The following PITPNC1 variants were observed in gnomAD, a reference collection of about 807,000 sequenced individuals.
PITPNC1 encodes the protein phosphatidylinositol transfer protein cytoplasmic 1.
In PITPNC1, 18 loss-of-function variants were observed where a neutral mutation model predicts 44.7. The ratio of observed to expected loss-of-function variants is 0.40; its 90% CI spans 0.28 to 0.60. The LOEUF (loss-of-function observed/expected upper bound fraction) is 0.60. Ranked by LOEUF, PITPNC1 falls within the 20% of genes least tolerant of loss-of-function variation. The pLI is 0.39. For synonymous variants in PITPNC1, 141 were observed against 149.6 expected (o/e 0.94, Z 0.42); for missense variants, 290 against 418.4 (o/e 0.69, Z 2.68).
Position 67,468,354 on chromosome 17 carries a change from G to C in PITPNC1, c.49-64448G>C, listed in dbSNP as rs376087367. On this transcript the variant is annotated intron_variant, in intron 1 of 8. Coordinates refer to ENST00000581322, the MANE Select transcript of PITPNC1 (RefSeq NM_012417.4). ...CAGGGACAGATTTGGGAGTCCCTTG[G>C]GGAAGCCGTGGTGAAGCCACAGGAA... 8.5e-5 allele frequency among the ~76,000 whole-genome samples: 13 copies of C among 152,094 alleles called. No homozygotes were observed. In the East Asian group the frequency reaches 2.3e-3, roughly 27 times the overall value.
At chr17:67,686,731 C>T (rs991795026) in intron 8 of PITPNC1, among the ~76,000 whole-genome samples, 1 of 152,170 alleles carries the variant, frequency 6.6e-6, no homozygotes, top group Non-Finnish European at 1.5e-5. Flanking sequence ...CCTCTGTCCC[C>T]AATGGGATCT....
chr17:67,410,583 G>A (rs1471960490), intron 1 of PITPNC1, among the ~76,000 whole-genome samples: 2 of 151,672 alleles, frequency 1.3e-5, no homozygotes, highest in African/African-American at 2.4e-5. Context: ...ATGAAGTCTC[G>A]CTATGTTGCC....
chr17:67,521,542 C>T (rs1318588556), intron 1 of PITPNC1, among the ~76,000 whole-genome samples: 3 of 152,028 alleles, frequency 2.0e-5, no homozygotes, highest in Non-Finnish European at 4.4e-5. Flanking sequence ...AGACATCTGA[C>T]AAAACACCCA....
intron 1 of PITPNC1, among the ~76,000 whole-genome samples, chr17:67,487,968 C>T (rs2039805869): frequency 6.6e-6 from 1 of 152,118 alleles, no homozygotes; most frequent in South Asian, 2.1e-4. Context: ...TTTTTCTTTT[C>T]TGTCTGTCAC....
At chr17:67,495,079 C>A in intron 1 of PITPNC1, among the ~76,000 whole-genome samples, 1 of 37,216 alleles carries the variant, frequency 2.7e-5, no homozygotes, top group Non-Finnish European at 5.2e-5. Context: ...TTTTTTGAGA[C>A]GGAGTCTGGC....
At chr17:67,683,205 C>G (rs1158253511) in intron 8 of PITPNC1, among the ~76,000 whole-genome samples, 1 of 141,530 alleles carries the variant, frequency 7.1e-6, no homozygotes. Flanking sequence ...TACACATAAG[C>G]ATTTGTTTGC....
intron 2 of PITPNC1, among the ~76,000 whole-genome samples, chr17:67,550,460 G>A (rs1414904267): frequency 2.7e-5 from 4 of 150,846 alleles, no homozygotes; most frequent in African/African-American, 7.3e-5. Flanking sequence ...GGCAAGGTAC[G>A]CAGTATTTTA....
intron 5 of PITPNC1, among the ~76,000 whole-genome samples, chr17:67,605,646 G>C (rs963294767): frequency 6.6e-6 from 1 of 152,172 alleles, no homozygotes; most frequent in Non-Finnish European, 1.5e-5. Flanking sequence ...GTTGTGGGCT[G>C]TTCCTGGGAA....
intron 1 of PITPNC1, among the ~76,000 whole-genome samples, chr17:67,445,955 G>A (rs549012888): frequency 9.3e-5 from 14 of 150,664 alleles, no homozygotes; most frequent in African/African-American, 2.7e-4. Context: ...TATTTTTTTT[G>A]GTTTTTTTTG....
intron 1 of PITPNC1, among the ~76,000 whole-genome samples, chr17:67,482,361 C>T (rs1484690670): frequency 6.6e-6 from 1 of 151,850 alleles, no homozygotes; most frequent in Non-Finnish European, 1.5e-5. Context: ...AGTTTTTTTT[C>T]CTCCCTTGGA....
intron 4 of PITPNC1, among the ~76,000 whole-genome samples, chr17:67,566,266 C>T (rs148892848): frequency 8.8e-4 from 134 of 152,190 alleles, no homozygotes; most frequent in African/African-American, 3.2e-3. Flanking sequence ...TGCAGTGGCG[C>T]GATCTTGGCT....
intron 1 of PITPNC1, among the ~76,000 whole-genome samples, chr17:67,505,312 A>G (rs1484321895): frequency 6.6e-6 from 1 of 152,208 alleles, no homozygotes; most frequent in East Asian, 1.9e-4. Context: ...GTGGGGCACT[A>G]AGGTCTCCAA....
At chr17:67,522,345 AAACAAAG>A (rs935207667) in intron 1 of PITPNC1, among the ~76,000 whole-genome samples, 12 of 151,888 alleles carry the variant, frequency 7.9e-5, no homozygotes, top group Non-Finnish European at 1.5e-4. Context: ...AGGGCACGGC[AAACAAAG>A]AACTCCCCTG....
At chr17:67,451,482 CT>C (rs1163005059) in intron 1 of PITPNC1, among the ~76,000 whole-genome samples, 1 of 152,152 alleles carries the variant, frequency 6.6e-6, no homozygotes. Flanking sequence ...CCATTCCCCC[CT>C]AAACATCCTC....
In PITPNC1 at chr17:67,473,022, C is replaced by T. The variant is rs150358785; in HGVS notation, c.49-59780C>T. Reference sequence around the variant, plus strand: ...TCCTGAGTAGCTGGGACTACAGGTGCGCACCACCATGCCCAACTAATTTTT... The same window carrying T: ...TCCTGAGTAGCTGGGACTACAGGTGTGCACCACCATGCCCAACTAATTTTT... On this transcript the variant is annotated intron_variant, in intron 1 of 8. Coordinates refer to ENST00000581322, the MANE Select transcript of PITPNC1 (RefSeq NM_012417.4). Among the ~76,000 whole-genome samples, 511 of 151,232 alleles carry T rather than the reference C, an allele frequency of 3.4e-3. 5 individuals carry two copies. Among genetic ancestry groups the T allele is most frequent in the African/African-American group, 0.012 (482 of 41,186 alleles).
intron 1 of PITPNC1, among the ~76,000 whole-genome samples, chr17:67,460,740 CTTTTTTT>C (rs138545288): frequency 5.8e-5 from 7 of 121,546 alleles, no homozygotes; most frequent in East Asian, 5.7e-4. Flanking sequence ...TTCTTTCTTT[CTTTTTTT>C]TTTTTTTTTT....
At chr17:67,411,746 C>G (rs1388743106) in intron 1 of PITPNC1, among the ~76,000 whole-genome samples, 1 of 152,052 alleles carries the variant, frequency 6.6e-6, no homozygotes, top group Non-Finnish European at 1.5e-5. Context: ...ATTCCTCTTA[C>G]AGAGAGTAAT....
intron 5 of PITPNC1, among the ~76,000 whole-genome samples, chr17:67,627,667 G>A (rs1307722128): frequency 6.6e-6 from 1 of 152,208 alleles, no homozygotes; most frequent in Non-Finnish European, 1.5e-5. Context: ...GCGGTTGGAT[G>A]CTAAGAGGCG....
chr17:67,571,002 T>C (rs1444953383), intron 4 of PITPNC1, among the ~76,000 whole-genome samples: 1 of 152,190 alleles, frequency 6.6e-6, no homozygotes, highest in Non-Finnish European at 1.5e-5. Flanking sequence ...TGCACTTGCT[T>C]GAACCTCAGA....
Sources: gnomAD v4.1 joint callset for allele counts (sites outside exome capture counted in the v4.1 genomes callset) on GRCh38, gnomAD v4.1.1 for gene constraint, MANE v1.5 for transcripts, NCBI Gene and HGNC (gene_info 2026-07-23, HGNC 2026-07-21) for gene names.